Variants in DAB2IP observed in about 807,000 individuals in gnomAD.
DAB2IP encodes DAB2 interacting protein.
Under a neutral mutation model 107.2 loss-of-function variants are expected in DAB2IP, and 28 were observed. That is an observed-to-expected ratio of 0.26 (90% CI 0.19 to 0.36). The LOEUF (loss-of-function observed/expected upper bound fraction) is 0.36, where lower values mean the gene tolerates loss of function less well. DAB2IP is among the 10% of genes least tolerant of loss of function. The pLI, the probability that DAB2IP is intolerant of heterozygous loss-of-function variation, is 1.00. For synonymous variants in DAB2IP, 755 were observed against 706.4 expected (o/e 1.07, Z -1.09); for missense variants, 1,400 against 1,644.7 (o/e 0.85, Z 2.57).
intron 3 of DAB2IP, among the ~76,000 whole-genome samples, chr9:121,741,474 C>G (rs1407750215): frequency 6.6e-6 from 1 of 152,192 alleles, no homozygotes. Flanking sequence ...CTCTGCCCCT[C>G]CTACTCACCC....
At position 121,773,477 on chromosome 9, in the gene DAB2IP, A is replaced by G. The variant is rs1834928867; in HGVS notation, c.2949A>G (p.Pro983=). The change falls in exon 12 of 16, where the codon CCA becomes CCG. Residue 983 remains proline, a synonymous_variant. Coordinates refer to ENST00000408936, the Ensembl canonical transcript of DAB2IP. Reference sequence around the variant, plus strand: ...AGGGGGACAGCCCAGAACTGAAGCCACGGGCAGTGCACAAGCAGGTCAGTG... The same window carrying G: ...AGGGGGACAGCCCAGAACTGAAGCCGCGGGCAGTGCACAAGCAGGTCAGTG... The G allele has an allele frequency of 3.3e-6, 5 of 1,513,528 alleles. No individual in the cohort carries two copies. In the African/African-American group the frequency reaches 7.0e-5, roughly 21 times the overall value. The allele number at this position is 1,513,528 out of a possible 1,614,324, so 93.8% of individuals were successfully genotyped here. A position where few individuals can be genotyped will look rare whatever the true frequency, so the allele number is the denominator to read the frequency against.
At chr9:121,689,286 T>C (rs1829041255) in intron 2 of DAB2IP, among the ~76,000 whole-genome samples, 1 of 143,684 alleles carries the variant, frequency 7.0e-6, no homozygotes, top group Non-Finnish European at 1.5e-5. Flanking sequence ...AGAGTGAAAT[T>C]CCATCTAAAA....
intron 1 of DAB2IP, among the ~76,000 whole-genome samples, chr9:121,658,036 C>T (rs1425248777): frequency 6.6e-6 from 1 of 152,146 alleles, no homozygotes; most frequent in African/African-American, 2.4e-5. Context: ...TGTTGCTTTC[C>T]CTAAGATGAG....
rs1835751003 is a variant in DAB2IP at position 121,782,708 on chromosome 9, G to A, written c.*210G>A. The stretch of plus-strand genomic sequence containing the variant: ...GAGGCGAGGTCACCAGCCGCTCCCT[G>A]TGGGGTGCGGGCAGAAGAGACTGCA... On this transcript the variant is annotated 3_prime_UTR_variant, in exon 16 of 16. Coordinates refer to ENST00000408936, the Ensembl canonical transcript of DAB2IP. This position sits in a 1 kb window ranked among gnomAD's most constrained non-coding sequence, Gnocchi z 6.1. 2 of 1,416,136 alleles carry A rather than the reference G, an allele frequency of 1.4e-6. No homozygotes were observed. The highest frequency in any genetic ancestry group is 1.8e-6 in the Non-Finnish European group (2 of 1,087,548). The allele number at this position is 1,416,136 out of a possible 1,614,324, so 87.7% of individuals were successfully genotyped here. A position where few individuals can be genotyped will look rare whatever the true frequency, so the allele number is the denominator to read the frequency against.
At chr9:121,677,174 T>C (rs1027576139) in intron 1 of DAB2IP, among the ~76,000 whole-genome samples, 9 of 152,282 alleles carry the variant, frequency 5.9e-5, no homozygotes, top group Middle Eastern at 6.8e-3. Context: ...CTCCCAAGTT[T>C]AAAGCCTCTG....
intron 1 of DAB2IP, among the ~76,000 whole-genome samples, chr9:121,573,269 G>A (rs1327735619): frequency 2.6e-5 from 4 of 151,978 alleles, no homozygotes; most frequent in Admixed American, 6.5e-5. Flanking sequence ...TAGAGGCGGG[G>A]TTTCGCCATG....
At chr9:121,748,002 G>A (rs975732496) in intron 3 of DAB2IP, among the ~76,000 whole-genome samples, 1 of 152,166 alleles carries the variant, frequency 6.6e-6, no homozygotes, top group Non-Finnish European at 1.5e-5. Context: ...CAGTACCAGC[G>A]CCCTCTCGAA....
chr9:121,725,584 C>T (rs995705024), intron 3 of DAB2IP, among the ~76,000 whole-genome samples: 3 of 152,198 alleles, frequency 2.0e-5, no homozygotes, highest in Non-Finnish European at 4.4e-5. Context: ...TGCTGTCTGA[C>T]AATGCAGATG....
rs535578779 is a variant in DAB2IP, at chr9:121,752,272, A to G, written c.363-4741A>G. ...GCCTTCTTCGTCCCTCCTCCAAGGGAACAACCACGTCACCAGGGTTTGCAG... is the reference window on the plus strand; with the variant it reads ...GCCTTCTTCGTCCCTCCTCCAAGGGGACAACCACGTCACCAGGGTTTGCAG... On this transcript the variant is annotated intron_variant, in intron 3 of 15. Transcript: ENST00000408936. Among the ~76,000 whole-genome samples, 110 of 148,864 alleles carry G rather than the reference A, an allele frequency of 7.4e-4. 5 individuals are homozygous for G. The highest frequency in any genetic ancestry group is 2.8e-3 in the African/African-American group (107 of 38,364).
intron 1 of DAB2IP, among the ~76,000 whole-genome samples, chr9:121,652,175 C>T (rs1243338514): frequency 6.6e-6 from 1 of 152,308 alleles, no homozygotes; most frequent in East Asian, 1.9e-4. Flanking sequence ...AGACCTCCTA[C>T]CCCACTGTGC....
intron 4 of DAB2IP, 72 bp from the exon 5 acceptor site, chr9:121,758,826 G>C: frequency 4.3e-6 from 6 of 1,404,786 alleles, no homozygotes; most frequent in Non-Finnish European, 6.0e-6. Flanking sequence ...AGCCTCCAAG[G>C]TCTTCTTCCA....
rs1051849711 is a variant in DAB2IP at position 121,747,416 on chromosome 9, T to C, written c.363-9597T>C. On this transcript the variant is annotated intron_variant, in intron 3 of 15. Transcript: ENST00000408936. ...AGGCTGGAGTGCAGTGGCACTATCT[T>C]GGCTCACTGCAAGCTCCACCTCTCA... Among the ~76,000 whole-genome samples, 6 of 151,826 alleles carry C rather than the reference T, an allele frequency of 4.0e-5. 1 individual carries two copies. In the South Asian group the frequency reaches 6.3e-4, roughly 16 times the overall value.
chr9:121,642,593 G>A (rs1459180680), intron 1 of DAB2IP, among the ~76,000 whole-genome samples: 3 of 137,578 alleles, frequency 2.2e-5, no homozygotes, highest in Admixed American at 7.7e-5. Flanking sequence ...CCAAAGTGCT[G>A]GAACCACAGC....
chr9:121,717,620 C>T (rs1206650794), intron 3 of DAB2IP, among the ~76,000 whole-genome samples: 2 of 152,374 alleles, frequency 1.3e-5, no homozygotes, highest in South Asian at 2.1e-4. Context: ...GGCGTGTTTA[C>T]TCCTCTCTAC....
chr9:121,755,629 G>A (rs976190968), intron 3 of DAB2IP, among the ~76,000 whole-genome samples: 2 of 152,190 alleles, frequency 1.3e-5, no homozygotes, highest in African/African-American at 4.8e-5. Context: ...TATGCTCAGA[G>A]GGCTGTTGCC....
chr9:121,755,452 T>C lies in DAB2IP; in HGVS notation c.363-1561T>C, dbSNP rs933091666. The stretch of plus-strand genomic sequence containing the variant: ...CACAGTTTTCCTCTGGCTCTGCCCA[T>C]TCCCTCTGCTTTCAGAGGCCAGCTT... On this transcript the variant is annotated intron_variant, in intron 3 of 15. Coordinates refer to ENST00000408936, the Ensembl canonical transcript of DAB2IP. 5.9e-5 allele frequency among the ~76,000 whole-genome samples: 9 copies of C among 152,292 alleles called. 1 individual carries two copies. The South Asian group carries it at 1.9e-3, about 32-fold the overall frequency.
At chr9:121,601,448 C>G (rs1430598174) in intron 1 of DAB2IP, among the ~76,000 whole-genome samples, 1 of 152,182 alleles carries the variant, frequency 6.6e-6, no homozygotes, top group Non-Finnish European at 1.5e-5. Context: ...AACATTCTTC[C>G]TGTTTGGGAC....
chr9:121,739,314 C>T (rs943828871), intron 3 of DAB2IP, among the ~76,000 whole-genome samples: 6 of 152,198 alleles, frequency 3.9e-5, no homozygotes, highest in East Asian at 1.9e-4. Flanking sequence ...TGGTGGGGGG[C>T]GTTGGGTGTT....
chr9:121,605,508 G>A (rs1001770183), intron 1 of DAB2IP, among the ~76,000 whole-genome samples: 1 of 150,880 alleles, frequency 6.6e-6, no homozygotes, highest in Non-Finnish European at 1.5e-5. Context: ...ATTATTGTTG[G>A]TTTTTTTTGA....
Sources: allele counts gnomAD v4.1 joint callset (sites outside exome capture counted in the v4.1 genomes callset), GRCh38; gene constraint gnomAD v4.1.1; non-coding constraint Gnocchi (gnomAD v3.1); transcripts MANE v1.5; gene names NCBI Gene and HGNC (gene_info 2026-07-23, HGNC 2026-07-21).